The following CRLS1 variants were observed in gnomAD, a reference collection of about 807,000 sequenced individuals.
The protein encoded by CRLS1 is cardiolipin synthase 1, also known as cardiolipin synthase (CMP-forming).
Under a neutral mutation model 37.0 loss-of-function variants are expected in CRLS1, and 24 were observed. The observed-to-expected ratio is 0.65, with a 90% confidence interval of 0.47 to 0.91. CRLS1 has a LOEUF of 0.91. Ranked by LOEUF, CRLS1 falls within the 40% of genes least tolerant of loss-of-function variation. The probability of loss-of-function intolerance (pLI) is 0.00; values close to 1 mark genes in which losing one functional copy is unlikely to be tolerated. For synonymous variants in CRLS1, 135 were observed against 159.7 expected (o/e 0.85, Z 1.17); for missense variants, 373 against 395.8 (o/e 0.94, Z 0.49).
intron 2 of CRLS1, among the ~76,000 whole-genome samples, chr20:6,013,326 A>G (rs186835555): frequency 8.7e-4 from 131 of 150,638 alleles, no homozygotes; most frequent in African/African-American, 3.2e-3. Context: ...AGCTGGGACT[A>G]TAGGTGTGCC....
chr20:6,029,412 T>A (rs1174994825), intron 3 of CRLS1, among the ~76,000 whole-genome samples: 2 of 150,618 alleles, frequency 1.3e-5, no homozygotes, highest in African/African-American at 4.9e-5. Flanking sequence ...TTGCCCAGGC[T>A]GGAGTGCAAT....
intron 1 of CRLS1, among the ~76,000 whole-genome samples, chr20:6,008,324 G>C (rs936713177): frequency 5.3e-5 from 8 of 152,146 alleles, no homozygotes; most frequent in Non-Finnish European, 8.8e-5. Context: ...AAAAATCTAG[G>C]CTTCAGGGAA....
chr20:6,010,853 C>CA (rs1308172791), intron 2 of CRLS1, among the ~76,000 whole-genome samples: 1 of 152,040 alleles, frequency 6.6e-6, no homozygotes, highest in Non-Finnish European at 1.5e-5. Flanking sequence ...CCTATCTCTA[C>CA]AAAAAATTTA....
intron 3 of CRLS1, among the ~76,000 whole-genome samples, chr20:6,025,216 A>G (rs1979580167): frequency 6.6e-6 from 1 of 152,244 alleles, no homozygotes; most frequent in South Asian, 2.1e-4. Context: ...TTCTCTTGCT[A>G]GAGGCCAATG....
Position 6,011,572 on chromosome 20 carries a change from CTTTTTTTTTTTTTTTT to C in CRLS1, c.444+1679_444+1694del, listed in dbSNP as rs559511975. On this transcript the variant is annotated intron_variant, in intron 2 of 6. Transcript: ENST00000378863. ...TCTTTCTCCTTTTCTTTTGTCCCTG[CTTTTTTTTTTTTTTTT>C]TTTTTTTTTTTTTTTTTTGGGGAGA... Among the ~76,000 whole-genome samples the C allele has an allele frequency of 9.3e-4, 26 of 27,854 alleles. 1 individual carries two copies. The highest frequency in any genetic ancestry group is 7.0e-3 in the South Asian group (2 of 286). 18.3% of individuals were successfully genotyped at this position (27,854 alleles called of 152,430 possible). A position where few individuals can be genotyped will look rare whatever the true frequency, so the allele number is the denominator to read the frequency against.
Position 6,006,542 on chromosome 20 carries a change from C to T in CRLS1, c.296C>T (p.Thr99Ile). Reference protein sequence around the residue: ...APGGQWGPASTPSLYENPWTI... With the variant: ...APGGQWGPASIPSLYENPWTI... ...GGCGGCCAGTGGGGCCCGGCGAGCA[C>T]CCCCAGCCTGGTACGTACCGATGAG... The change falls in exon 1 of 7, where the codon ACC becomes ATC. Residue 99 changes from threonine to isoleucine, a missense_variant. Coordinates refer to ENST00000378863, the MANE Select transcript of CRLS1 (RefSeq NM_019095.6). The T allele has an allele frequency of 1.5e-6, 2 of 1,312,142 alleles. No homozygotes were observed. Among genetic ancestry groups the T allele is most frequent in the Non-Finnish European group, 1.9e-6 (2 of 1,039,356 alleles). The allele number at this position is 1,312,142 out of a possible 1,614,324, so 81.3% of individuals were successfully genotyped here. A position where few individuals can be genotyped will look rare whatever the true frequency, so the allele number is the denominator to read the frequency against.
chr20:6,006,250 C>A lies in CRLS1; in HGVS notation c.4C>A (p.Leu2Ile), dbSNP rs1476871319. The A allele has an allele frequency of 1.8e-5, 23 of 1,244,730 alleles. No individual in the cohort carries two copies. The highest frequency in any genetic ancestry group is 2.1e-5 in the Non-Finnish European group (21 of 997,038). The allele number at this position is 1,244,730 out of a possible 1,614,324, so 77.1% of individuals were successfully genotyped here. Residue 2 changes from leucine to isoleucine, a missense_variant, in exon 1 of 7, where the codon CTA (leucine) becomes ATA (isoleucine). Transcript: ENST00000378863. The part of the protein sequence containing the change: M[L>I]ALRVARGSWG... ...CCCGCGGCGCGGCCGCAGGGCCATG[C>A]TAGCCTTGCGCGTGGCGCGCGGCTC...
At chr20:6,026,009 G>C (rs1020709739) in intron 3 of CRLS1, among the ~76,000 whole-genome samples, 4 of 152,214 alleles carry the variant, frequency 2.6e-5, no homozygotes, top group African/African-American at 4.8e-5. Flanking sequence ...CACAGACTTA[G>C]TGGATAAGGC....
At chr20:6,015,140 G>A (rs1978641250) in intron 2 of CRLS1, among the ~76,000 whole-genome samples, 2 of 152,022 alleles carry the variant, frequency 1.3e-5, no homozygotes, top group African/African-American at 4.8e-5. Flanking sequence ...ACTTGAGGGG[G>A]AAAGAAAATA....
At position 6,006,942 on chromosome 20, in the gene CRLS1, CTGTT is replaced by C. The variant is rs145088873; in HGVS notation, c.306+393_306+396del. On this transcript the variant is annotated intron_variant, in intron 1 of 6. Coordinates refer to ENST00000378863, the MANE Select transcript of CRLS1 (RefSeq NM_019095.6). ...TATTTAGAAAGGTATACAGGCCCTT[CTGTT>C]TGCTTGTGCAAGTTCCGTTCACCAT... 1.4e-3 allele frequency: 744 copies of C among 543,320 alleles called. 10 individuals carry two copies. In the South Asian group the frequency reaches 0.033, roughly 24 times the overall value. 33.7% of individuals were successfully genotyped at this position (543,320 alleles called of 1,614,324 possible). A position where few individuals can be genotyped will look rare whatever the true frequency, so the allele number is the denominator to read the frequency against.
chr20:6,032,992 C>T (rs1485248096), intron 5 of CRLS1, among the ~76,000 whole-genome samples: 3 of 151,812 alleles, frequency 2.0e-5, no homozygotes, highest in Non-Finnish European at 4.4e-5. Flanking sequence ...TTGAGTGTAG[C>T]GTTACATGGA....
intron 6 of CRLS1, 141 bp downstream of exon 6, chr20:6,034,696 G>A (rs1980422702): frequency 3.2e-6 from 2 of 629,410 alleles, no homozygotes; most frequent in Non-Finnish European, 5.5e-6. Flanking sequence ...TGATACCATT[G>A]TTAAGACGCT....
chr20:6,010,055 T>C, intron 2 of CRLS1, 143 bp downstream of exon 2: 1 of 796,452 alleles, frequency 1.3e-6, no homozygotes, highest in Non-Finnish European at 1.8e-6. Flanking sequence ...TGTGAGGACT[T>C]TGTCTTTAGC....
At chr20:6,007,263 A>G (rs1223197223) in intron 1 of CRLS1, 2 of 1,544,218 alleles carry the variant, frequency 1.3e-6, no homozygotes, top group African/African-American at 1.4e-5. Flanking sequence ...GTTGTACAGC[A>G]TGGGTTGAGG....
At chr20:6,007,614 T>G (rs2090076530) in intron 1 of CRLS1, among the ~76,000 whole-genome samples, 1 of 152,252 alleles carries the variant, frequency 6.6e-6, no homozygotes, top group African/African-American at 2.4e-5. Context: ...CAACTTTGTC[T>G]TTAATTTTGC....
At chr20:6,024,020 A>T (rs1979481292) in intron 3 of CRLS1, among the ~76,000 whole-genome samples, 1 of 151,190 alleles carries the variant, frequency 6.6e-6, no homozygotes, top group South Asian at 2.1e-4. Context: ...TGGTGTAATT[A>T]TGCCTCACTG....
At chr20:6,036,378 G>A (rs1352420180) in intron 6 of CRLS1, among the ~76,000 whole-genome samples, 1 of 152,228 alleles carries the variant, frequency 6.6e-6, no homozygotes, top group Non-Finnish European at 1.5e-5. Flanking sequence ...AATAAAAGCA[G>A]AAGTGCGTGG....
chr20:6,019,387 C>T (rs1979032567), intron 3 of CRLS1, among the ~76,000 whole-genome samples: 1 of 152,090 alleles, frequency 6.6e-6, no homozygotes, highest in African/African-American at 2.4e-5. Flanking sequence ...TATTTATTTA[C>T]TTACTACTCC....
intron 3 of CRLS1, among the ~76,000 whole-genome samples, chr20:6,025,491 T>C (rs886483481): frequency 1.3e-5 from 2 of 152,204 alleles, no homozygotes; most frequent in Admixed American, 1.3e-4. Flanking sequence ...GATGGAGATA[T>C]ACAAGAAAAT....
Sources: gnomAD v4.1 joint callset for allele counts (sites outside exome capture counted in the v4.1 genomes callset) on GRCh38, gnomAD v4.1.1 for gene constraint, MANE v1.5 for transcripts, NCBI Gene and HGNC (gene_info 2026-07-23, HGNC 2026-07-21) for gene names.